ABHD2: variants seen among roughly 807,000 people sequenced by gnomAD.
ABHD2 encodes the protein monoacylglycerol lipase ABHD2.
A neutral mutation model predicts 48.1 loss-of-function variants in ABHD2; 20 were observed. The observed-to-expected ratio is 0.42, with a 90% CI of 0.29 to 0.60. The LOEUF is 0.60. Among genes scored for constraint, ABHD2 ranks in the 20% least tolerant of loss-of-function variants. The pLI, the probability that ABHD2 is intolerant of heterozygous loss-of-function variation, is 0.24. For missense variants in ABHD2, 405 were observed against 550.9 expected, an observed-to-expected ratio of 0.74 and a Z score of 2.65; for synonymous variants, 209 against 214.2, an observed-to-expected ratio of 0.98 and a Z score of 0.21.
chr15:89,155,779 T>C lies in ABHD2; in HGVS notation c.538+245T>C, dbSNP rs977916832. Among the ~76,000 whole-genome samples, 1 of 152,280 alleles carries C rather than the reference T, an allele frequency of 6.6e-6. No individual in the cohort carries two copies. The highest frequency in any genetic ancestry group is 3.4e-3 in the Middle Eastern group (1 of 294). ...AAACTGAAGCTTACAGGGGAAAGTCTTGCCCAAGGTCCCCTAGCTAGTAAG... is the reference window on the plus strand; with the variant it reads ...AAACTGAAGCTTACAGGGGAAAGTCCTGCCCAAGGTCCCCTAGCTAGTAAG... On this transcript the variant is annotated intron_variant, in intron 5 of 10. Coordinates refer to ENST00000352732, the MANE Select transcript of ABHD2 (RefSeq NM_152924.5). The surrounding 1 kb of genome is among the most constrained non-coding windows in gnomAD (Gnocchi z 4.9).
At chr15:89,112,885 A>G (rs2049897431) in intron 1 of ABHD2, among the ~76,000 whole-genome samples, 1 of 152,204 alleles carries the variant, frequency 6.6e-6, no homozygotes, top group Non-Finnish European at 1.5e-5. Flanking sequence ...TAAACTTTCT[A>G]TGTCTCAGTT....
rs574745714 is a variant in ABHD2 at position 89,185,857 on chromosome 15, C to T, written c.815+341C>T. The stretch of plus-strand genomic sequence containing the variant: ...GATGGTGCCGCTGTAATCCCAGCTA[C>T]TTGGGAGGCTGAGGCAGGAGAGTCG... On this transcript the variant is annotated intron_variant, in intron 7 of 10. Coordinates refer to ENST00000352732, the MANE Select transcript of ABHD2 (RefSeq NM_152924.5). This position sits in a 1 kb window ranked among gnomAD's most constrained non-coding sequence, Gnocchi z 5.9. Among the ~76,000 whole-genome samples, 540 of 152,244 alleles carry T rather than the reference C, an allele frequency of 3.5e-3. 3 individuals are homozygous for T. The highest frequency in any genetic ancestry group is 0.018 in the South Asian group (86 of 4,820).
chr15:89,152,790 T>A (rs2050614402), intron 4 of ABHD2, among the ~76,000 whole-genome samples: 1 of 152,198 alleles, frequency 6.6e-6, no homozygotes, highest in East Asian at 1.9e-4. Context: ...GGCATTGTTC[T>A]GTCTAGCCTA....
the ABHD2 span, among the ~76,000 whole-genome samples, chr15:89,069,251 T>C: frequency 6.6e-6 from 1 of 151,546 alleles, no homozygotes; most frequent in African/African-American, 2.4e-5. Context: ...TCTCAGTCTC[T>C]AGAGCAACTG....
chr15:89,116,912 C>T lies in ABHD2; in HGVS notation c.194+391C>T, dbSNP rs1021170012. On this transcript the variant is annotated intron_variant, in intron 3 of 10. Coordinates refer to ENST00000352732, the MANE Select transcript of ABHD2 (RefSeq NM_152924.5). The surrounding 1 kb of genome is among the most constrained non-coding windows in gnomAD (Gnocchi z 4.6). ...ATTAATAAGCAAAAAAGCACAGATCCATTAGTTGAGTACTCTCCATCTGCC... is the reference window on the plus strand; with the variant it reads ...ATTAATAAGCAAAAAAGCACAGATCTATTAGTTGAGTACTCTCCATCTGCC... 3.9e-5 allele frequency among the ~76,000 whole-genome samples: 6 copies of T among 152,174 alleles called. No individual in the cohort carries two copies. The highest frequency in any genetic ancestry group is 4.4e-5 in the Non-Finnish European group (3 of 68,042).
At chr15:89,142,120 C>A (rs1053479391) in intron 3 of ABHD2, among the ~76,000 whole-genome samples, 1 of 152,210 alleles carries the variant, frequency 6.6e-6, no homozygotes, top group Non-Finnish European at 1.5e-5. Flanking sequence ...GAAGTCTCAA[C>A]CCTGCTCTTG....
At chr15:89,098,036 C>T (rs1037764832) in intron 1 of ABHD2, among the ~76,000 whole-genome samples, 1 of 151,988 alleles carries the variant, frequency 6.6e-6, no homozygotes, top group African/African-American at 2.4e-5. Context: ...GACTACATCA[C>T]ACCCAGCTAA....
At chr15:89,153,759 C>A (rs1003704624) in intron 4 of ABHD2, among the ~76,000 whole-genome samples, 1 of 152,064 alleles carries the variant, frequency 6.6e-6, no homozygotes, top group African/African-American at 2.4e-5. Flanking sequence ...AAGAATCACC[C>A]ATAATTTTGT....
the ABHD2 span, among the ~76,000 whole-genome samples, chr15:89,071,955 A>C: frequency 1.1e-4 from 16 of 152,212 alleles, no homozygotes; most frequent in African/African-American, 3.9e-4. Flanking sequence ...TTACCTGAAG[A>C]CGAAGACTAT....
At chr15:89,190,327 C>T (rs909825316) in intron 8 of ABHD2, among the ~76,000 whole-genome samples, 11 of 152,170 alleles carry the variant, frequency 7.2e-5, no homozygotes, top group African/African-American at 2.7e-4. Flanking sequence ...GAGCTGCGGC[C>T]CCTCATTCAT....
the ABHD2 span, among the ~76,000 whole-genome samples, chr15:89,061,384 C>G: frequency 6.6e-6 from 1 of 151,888 alleles, no homozygotes; most frequent in Non-Finnish European, 1.5e-5. Context: ...CACCATTGCA[C>G]TCCAGCCTAA....
rs1219958906 is a variant in ABHD2 at position 89,195,272 on chromosome 15, A to G, written c.1127A>G (p.His376Arg). ...VMFVLPLHGG[H>R]LGFFEGSVLF... ...TTTGTGCTGCCTCTGCATGGGGGCC[A>G]CTTGGGCTTCTTTGAGGGCTCTGTG... Residue 376 changes from histidine (H) to arginine (R), a missense_variant, in exon 11 of 11, where the codon CAC (histidine) becomes CGC (arginine). By Grantham distance (29) the His-to-Arg change is conservative. Transcript: ENST00000352732. This position sits in a 1 kb window ranked among gnomAD's most constrained non-coding sequence, Gnocchi z 5.1. 6.2e-7 allele frequency: 1 copy of G among 1,614,210 alleles called. No homozygotes were observed. Among genetic ancestry groups the G allele is most frequent in the Non-Finnish European group, 8.5e-7 (1 of 1,180,028 alleles).
chr15:89,098,758 A>G (rs1156319026), intron 1 of ABHD2, among the ~76,000 whole-genome samples: 1 of 152,168 alleles, frequency 6.6e-6, no homozygotes, highest in African/African-American at 2.4e-5. Context: ...CCCTCCATCT[A>G]TCATTAATAT....
the ABHD2 span, among the ~76,000 whole-genome samples, chr15:89,067,092 C>T: frequency 6.6e-6 from 1 of 151,468 alleles, no homozygotes; most frequent in African/African-American, 2.4e-5. Flanking sequence ...AACACCAGGC[C>T]ATGGGGGCTA....
chr15:89,191,233 C>G (rs2051299084), intron 9 of ABHD2, 84 bp downstream of exon 9: 3 of 1,403,614 alleles, frequency 2.1e-6, no homozygotes, highest in Non-Finnish European at 3.0e-6. Flanking sequence ...CTGAATTTTC[C>G]TGGTGGAAGC....
intron 6 of ABHD2, among the ~76,000 whole-genome samples, chr15:89,183,105 C>G (rs1178514721): frequency 6.6e-6 from 1 of 152,028 alleles, no homozygotes; most frequent in Non-Finnish European, 1.5e-5. Context: ...ACCACAAATA[C>G]CATCATCACC....
Position 89,120,555 on chromosome 15 carries a change from C to T in ABHD2, c.194+4034C>T, listed in dbSNP as rs886722233. ...AGTACAGTGGCGCAATCTCAAATCT[C>T]GGTTCACTGCAACTTCTGCCTCACG... On this transcript the variant is annotated intron_variant, in intron 3 of 10. Transcript: ENST00000352732. The surrounding 1 kb of genome is among the most constrained non-coding windows in gnomAD (Gnocchi z 4.2). Among the ~76,000 whole-genome samples, 2 of 152,140 alleles carry T rather than the reference C, an allele frequency of 1.3e-5. No individual in the cohort carries two copies. Among genetic ancestry groups the T allele is most frequent in the Non-Finnish European group, 2.9e-5 (2 of 68,030 alleles).
chr15:89,157,553 G>A (rs2050693822), intron 5 of ABHD2, among the ~76,000 whole-genome samples: 3 of 152,110 alleles, frequency 2.0e-5, no homozygotes, highest in African/African-American at 7.2e-5. Flanking sequence ...TGAAAATATA[G>A]GTGAATTTGG....
chr15:89,050,414 G>A, the ABHD2 span, among the ~76,000 whole-genome samples: 12 of 152,208 alleles, frequency 7.9e-5, no homozygotes, highest in African/African-American at 2.9e-4. Flanking sequence ...GAACAACCAT[G>A]GGGCTATGGG....
Sources: gnomAD v4.1 joint callset for allele counts (sites outside exome capture counted in the v4.1 genomes callset) on GRCh38, gnomAD v4.1.1 for gene constraint, Gnocchi (gnomAD v3.1) non-coding constraint, MANE v1.5 for transcripts, NCBI Gene and HGNC (gene_info 2026-07-23, HGNC 2026-07-21) for gene names.